ANXA4: variants seen among roughly 807,000 people sequenced by gnomAD.
ANXA4 encodes annexin A4.
ANXA4 carries 39 observed loss-of-function variants against 49.8 expected under a neutral mutation model. That is an observed-to-expected ratio of 0.78 (90% CI 0.61 to 1.02). The LOEUF is 1.02. Ranked by LOEUF, ANXA4 falls within the 50% of genes least tolerant of loss-of-function variation. ANXA4 has a pLI of 0.00. For synonymous variants in ANXA4, 134 were observed against 152.5 expected, an observed-to-expected ratio of 0.88 and a Z score of 0.89; for missense variants, 360 against 410.1, an observed-to-expected ratio of 0.88 and a Z score of 1.05.
intron 1 of ANXA4, among the ~76,000 whole-genome samples, chr2:69,648,883 C>T (rs942121874): frequency 0.042 from 4,402 of 105,626 alleles, 451 homozygotes; most frequent in East Asian, 0.32. Flanking sequence ...TTCTTTCTTT[C>T]TTTTCTTTTT....
intron 1 of ANXA4, among the ~76,000 whole-genome samples, chr2:69,765,315 G>A (rs1380845209): frequency 2.6e-5 from 4 of 152,100 alleles, no homozygotes; most frequent in East Asian, 1.9e-4. Context: ...CTGTTTTTAC[G>A]GTGGCTGTAC....
intron 2 of ANXA4, among the ~76,000 whole-genome samples, chr2:69,655,031 A>G (rs1199899459): frequency 8.5e-5 from 13 of 152,244 alleles, no homozygotes; most frequent in Non-Finnish European, 1.3e-4. Flanking sequence ...TGAACTCAAG[A>G]TGGATTAAAG....
At chr2:69,733,953 C>CT (rs748955796) in intron 3 of ANXA4, among the ~76,000 whole-genome samples, 214 of 151,434 alleles carry the variant, frequency 1.4e-3, no homozygotes, top group African/African-American at 5.0e-3. Flanking sequence ...ATGGGATGAG[C>CT]TATTTTTTTT....
intron 3 of ANXA4, among the ~76,000 whole-genome samples, chr2:69,794,512 GTTATGTTATA>G (rs1436954079): frequency 0.12 from 15,282 of 131,898 alleles, 983 homozygotes; most frequent in African/African-American, 0.17. Context: ...GTTATATTAT[GTTATGTTATA>G]TTATGTTATG....
At position 69,818,656 on chromosome 2, in the gene ANXA4, A is replaced by G. The variant is rs748929436; in HGVS notation, c.686A>G (p.Glu229Gly). Residue 229 changes from glutamate to glycine, a missense_variant, in exon 10 of 13, where the codon GAA becomes GGA. Transcript: ENST00000394295. The stretch of plus-strand genomic sequence containing the variant: ...GATATTGAACAGAGTATTAAATCTG[A>G]AACATCTGGTAGCTTTGAAGATGCT... ...QKDIEQSIKS[E>G]TSGSFEDALL... The G allele has an allele frequency of 8.7e-6, 14 of 1,610,644 alleles. No individual in the cohort carries two copies. The highest frequency in any genetic ancestry group is 1.7e-5 in the Admixed American group (1 of 59,580).
intron 2 of ANXA4, among the ~76,000 whole-genome samples, chr2:69,658,331 C>CA (rs140307250): frequency 0.013 from 1,909 of 147,070 alleles, 49 homozygotes; most frequent in African/African-American, 0.046. Context: ...GCCTGGGAGG[C>CA]AGAGGCTGCA....
chr2:69,812,779 G>T, intron 8 of ANXA4, 70 bp downstream of exon 8: 1 of 1,328,766 alleles, frequency 7.5e-7, no homozygotes. Flanking sequence ...CTTAGTGGGT[G>T]GATAGCAACT....
Position 69,804,631 on chromosome 2 carries a change from G to C in ANXA4, c.192+4G>C. 1 of 1,610,026 alleles carries C rather than the reference G, an allele frequency of 6.2e-7. No individual in the cohort carries two copies. The highest frequency in any genetic ancestry group is 1.1e-5 in the South Asian group (1 of 90,450). ...CTACAAGAGCACCATCGGCAGGGTA[G>C]GCCACAGTCTTTCCTGCTCTGTCTG... On this transcript the variant is annotated splice_donor_region_variant and intron_variant, in intron 4 of 12. Coordinates refer to ENST00000394295, the MANE Select transcript of ANXA4 (RefSeq NM_001153.5).
intron 2 of ANXA4, among the ~76,000 whole-genome samples, chr2:69,667,925 G>A (rs553685031): frequency 6.6e-6 from 1 of 152,272 alleles, no homozygotes; most frequent in Admixed American, 6.5e-5. Context: ...TCCTCCATTG[G>A]GCTAGCCGGG....
At chr2:69,807,095 G>A (rs1366925089) in intron 5 of ANXA4, among the ~76,000 whole-genome samples, 2 of 152,174 alleles carry the variant, frequency 1.3e-5, no homozygotes, top group Non-Finnish European at 2.9e-5. Flanking sequence ...ACGACAACTT[G>A]AAAACATCAT....
chr2:69,723,030 T>A (rs914873386), intron 3 of ANXA4, among the ~76,000 whole-genome samples: 8 of 144,266 alleles, frequency 5.5e-5, no homozygotes, highest in African/African-American at 1.8e-4. Context: ...AAAATATATA[T>A]ATATATATAT....
At chr2:69,719,976 C>T (rs1013148063) in intron 2 of ANXA4, among the ~76,000 whole-genome samples, 5 of 152,084 alleles carry the variant, frequency 3.3e-5, no homozygotes, top group Non-Finnish European at 7.3e-5. Context: ...ACAGTTCCAA[C>T]GTGCCAGGCA....
At chr2:69,757,258 ATATATATATTTTTTTT>A (rs1281095942) in intron 1 of ANXA4, among the ~76,000 whole-genome samples, 7 of 42,874 alleles carry the variant, frequency 1.6e-4, no homozygotes, top group African/African-American at 8.0e-4. Flanking sequence ...ATATATATAT[ATATATATATTTTTTTT>A]TTTTTTTTTT....
chr2:69,725,211 A>G (rs970762285), intron 3 of ANXA4, among the ~76,000 whole-genome samples: 1 of 152,082 alleles, frequency 6.6e-6, no homozygotes. Context: ...ACATATAGCT[A>G]TTTACAGAGA....
intron 2 of ANXA4, among the ~76,000 whole-genome samples, chr2:69,712,752 T>A (rs1361919372): frequency 6.6e-6 from 1 of 152,216 alleles, no homozygotes; most frequent in African/African-American, 2.4e-5. Flanking sequence ...ACCTCCCATT[T>A]GGCATTTTGT....
At chr2:69,702,356 C>T (rs1170377815) in intron 2 of ANXA4, among the ~76,000 whole-genome samples, 2 of 152,000 alleles carry the variant, frequency 1.3e-5, no homozygotes, top group African/African-American at 4.8e-5. Context: ...ATATATAAAT[C>T]AAATATATTT....
chr2:69,785,894 C>A lies in ANXA4; in HGVS notation c.10-2160C>A, dbSNP rs548347447. Among the ~76,000 whole-genome samples the A allele has an allele frequency of 1.7e-4, 26 of 152,310 alleles. 1 individual carries two copies. The highest frequency in any genetic ancestry group is 4.8e-5 in the African/African-American group (2 of 41,566). ...TCAGCCATCCTTTCTGGGCTCTCCC[C>A]TTTTGGACCTGTACTGTTGGAGAGA... On this transcript the variant is annotated intron_variant, in intron 2 of 12. Coordinates refer to ENST00000394295, the MANE Select transcript of ANXA4 (RefSeq NM_001153.5).
chr2:69,746,030 G>A (rs768717904), intron 1 of ANXA4, among the ~76,000 whole-genome samples: 2 of 151,526 alleles, frequency 1.3e-5, no homozygotes, highest in African/African-American at 2.4e-5. Context: ...GTTTGTTTTC[G>A]AGGCAGAATC....
At chr2:69,824,469 C>G (rs1436405520) in intron 12 of ANXA4, among the ~76,000 whole-genome samples, 1 of 147,934 alleles carries the variant, frequency 6.8e-6, no homozygotes, top group Non-Finnish European at 1.5e-5. Flanking sequence ...CACCATTGCA[C>G]TCTAGCCTGG....
Sources: allele counts gnomAD v4.1 joint callset (sites outside exome capture counted in the v4.1 genomes callset), GRCh38; gene constraint gnomAD v4.1.1; transcripts MANE v1.5; gene names NCBI Gene and HGNC (gene_info 2026-07-23, HGNC 2026-07-21).